Variants in SLCO1C1 observed in about 807,000 individuals in gnomAD.
SLCO1C1 encodes the protein solute carrier organic anion transporter family member 1C1.
In SLCO1C1, 70 loss-of-function variants were observed where a neutral mutation model predicts 76.4. That is an observed-to-expected ratio of 0.92 (90% CI 0.76 to 1.12). The LOEUF (loss-of-function observed/expected upper bound fraction) is 1.12. Among genes scored for constraint, SLCO1C1 ranks in the 50% most tolerant of loss-of-function variants. The pLI, the probability that SLCO1C1 is intolerant of heterozygous loss-of-function variation, is 0.00. For synonymous variants in SLCO1C1, 306 were observed against 286.1 expected (o/e 1.07, Z -0.70); for missense variants, 912 against 823.8 (o/e 1.11, Z -1.31).
At chr12:20,718,688 C>T (rs377122940) in intron 7 of SLCO1C1, among the ~76,000 whole-genome samples, 2 of 152,176 alleles carry the variant, frequency 1.3e-5, no homozygotes, top group East Asian at 1.9e-4. Context: ...GTAAATCAAA[C>T]GAAAGTGGTG....
intron 5 of SLCO1C1, among the ~76,000 whole-genome samples, chr12:20,714,745 G>T (rs1021727845): frequency 6.6e-6 from 1 of 152,062 alleles, no homozygotes; most frequent in African/African-American, 2.4e-5. Flanking sequence ...AGGTGAGAAA[G>T]ACTTGTTCAA....
rs550261930 is a variant in SLCO1C1, at chr12:20,705,813, G to GA, written c.272-129dup. On this transcript the variant is annotated intron_variant, in intron 3 of 14. Transcript: ENST00000266509. ...TTTCAAGGGTCATCTCAGATTAAAG[G>GA]AAAAAAATTAAATGATGCAGAGATG... 862 of 799,186 alleles carry GA rather than the reference G, an allele frequency of 1.1e-3. 4 individuals carry two copies. The highest frequency in any genetic ancestry group is 8.5e-3 in the Middle Eastern group (22 of 2,580). 49.5% of individuals were successfully genotyped at this position (799,186 alleles called of 1,614,324 possible).
chr12:20,703,411 G>T (rs1408185528), intron 3 of SLCO1C1, among the ~76,000 whole-genome samples: 2 of 82,288 alleles, frequency 2.4e-5, no homozygotes, highest in African/African-American at 1.1e-4. Flanking sequence ...GATTTTTGTT[G>T]TTGTTGTTGA....
intron 11 of SLCO1C1, among the ~76,000 whole-genome samples, chr12:20,737,479 A>G (rs1328469222): frequency 6.6e-6 from 1 of 152,156 alleles, no homozygotes; most frequent in Non-Finnish European, 1.5e-5. Flanking sequence ...TAGAGTCATC[A>G]AATAGGGTGG....
At position 20,709,737 on chromosome 12, in the gene SLCO1C1, C is replaced by T. The variant is rs1243637740; in HGVS notation, c.405-1649C>T. ...TCTACTAAAAATACAAAAAATTAGC[C>T]GGGCGCGGTGGCGGGCGCCTGTAGT... On this transcript the variant is annotated intron_variant, in intron 4 of 14. Coordinates refer to ENST00000266509, the MANE Select transcript of SLCO1C1 (RefSeq NM_017435.5). Among the ~76,000 whole-genome samples the T allele has an allele frequency of 1.4e-4, 8 of 56,254 alleles. 3 individuals carry two copies. Among genetic ancestry groups the T allele is most frequent in the South Asian group, 1.4e-3 (2 of 1,422 alleles). The allele number at this position is 56,254 out of a possible 152,430, so 36.9% of individuals were successfully genotyped here. A position where few individuals can be genotyped will look rare whatever the true frequency, so the allele number is the denominator to read the frequency against.
chr12:20,699,572 T>C lies in SLCO1C1; in HGVS notation c.-5T>C. 1 of 1,607,426 alleles carries C rather than the reference T, an allele frequency of 6.2e-7. No individual in the cohort carries two copies. The highest frequency in any genetic ancestry group is 8.5e-7 in the Non-Finnish European group (1 of 1,177,478). ...GACAGATCAGAGTCAAGGAATGTGTTTATAATGGACACTTCATCCAAAGAA... is the reference window on the plus strand; with the variant it reads ...GACAGATCAGAGTCAAGGAATGTGTCTATAATGGACACTTCATCCAAAGAA... On this transcript the variant is annotated 5_prime_UTR_variant, in exon 2 of 15. Transcript: ENST00000266509.
intron 11 of SLCO1C1, 133 bp downstream of exon 11, chr12:20,737,405 A>G (rs2120858289): frequency 1.1e-6 from 1 of 924,324 alleles, no homozygotes. Context: ...TTTTTTGTAG[A>G]AAAAGAAAAT....
At chr12:20,717,390 T>C (rs1482564903) in intron 7 of SLCO1C1, among the ~76,000 whole-genome samples, 160 bp downstream of exon 7, 1 of 151,924 alleles carries the variant, frequency 6.6e-6, no homozygotes, top group Non-Finnish European at 1.5e-5. Flanking sequence ...TACAGATTAA[T>C]AAATGGAATA....
At chr12:20,750,384 CT>C in intron 13 of SLCO1C1, among the ~76,000 whole-genome samples, 2 of 152,250 alleles carry the variant, frequency 1.3e-5, no homozygotes, top group African/African-American at 4.8e-5. Context: ...AATGACTGGG[CT>C]TCCACTGATA....
chr12:20,717,614 G>GGATT lies in SLCO1C1; in HGVS notation c.775+385_775+388dup, dbSNP rs565082321. On this transcript the variant is annotated intron_variant, in intron 7 of 14. Coordinates refer to ENST00000266509, the MANE Select transcript of SLCO1C1 (RefSeq NM_017435.5). ...TTTGGGGACTTGACAGAAAGACCAAGGATTTAAAGTCTACTGGCAACCAAA... is the reference window on the plus strand; with the variant it reads ...TTTGGGGACTTGACAGAAAGACCAAGGATTGATTTAAAGTCTACTGGCAACCAAA... Among the ~76,000 whole-genome samples, 504 of 126,622 alleles carry GGATT rather than the reference G, an allele frequency of 4.0e-3. 2 individuals carry two copies. The highest frequency in any genetic ancestry group is 5.7e-3 in the Non-Finnish European group (360 of 62,930). The allele number at this position is 126,622 out of a possible 152,430, so 83.1% of individuals were successfully genotyped here. A position where few individuals can be genotyped will look rare whatever the true frequency, so the allele number is the denominator to read the frequency against.
chr12:20,746,526 G>A (rs936649590), intron 13 of SLCO1C1, among the ~76,000 whole-genome samples: 1 of 152,034 alleles, frequency 6.6e-6, no homozygotes, highest in African/African-American at 2.4e-5. Flanking sequence ...AAAAGCTTTA[G>A]ATGAAAGTTG....
rs201422599 is a variant in SLCO1C1 at position 20,698,949 on chromosome 12, A to ACTGTT, written c.-25-600_-25-596dup. On this transcript the variant is annotated intron_variant, in intron 1 of 14. Transcript: ENST00000266509. Reference sequence around the variant, plus strand: ...TTTTTTACTTTAAGGCTGATCAAAGACTGTTCTTTCACCTGAATTAAATCT... The same window carrying ACTGTT: ...TTTTTTACTTTAAGGCTGATCAAAGACTGTTCTGTTCTTTCACCTGAATTAAATCT... Among the ~76,000 whole-genome samples, 1,521 of 152,142 alleles carry ACTGTT rather than the reference A, an allele frequency of 1.0e-2. 23 individuals are homozygous for ACTGTT. Among genetic ancestry groups the ACTGTT allele is most frequent in the African/African-American group, 0.035 (1,436 of 41,532 alleles).
chr12:20,698,782 A>G (rs1946383385), intron 1 of SLCO1C1, among the ~76,000 whole-genome samples: 1 of 152,102 alleles, frequency 6.6e-6, no homozygotes, highest in African/African-American at 2.4e-5. Flanking sequence ...ATTATCAGGC[A>G]GGCACTGAGC....
chr12:20,729,166 G>A (rs972463720), intron 9 of SLCO1C1, among the ~76,000 whole-genome samples: 10 of 152,150 alleles, frequency 6.6e-5, no homozygotes, highest in Admixed American at 1.3e-4. Context: ...CCTGGGGAGG[G>A]AAGAAACACA....
chr12:20,739,398 G>GA (rs1948698137), intron 11 of SLCO1C1, among the ~76,000 whole-genome samples: 1 of 140,618 alleles, frequency 7.1e-6, no homozygotes, highest in South Asian at 2.4e-4. Context: ...GTTTTTTTTT[G>GA]TTTTTTTTTT....
intron 13 of SLCO1C1, among the ~76,000 whole-genome samples, chr12:20,749,558 T>C (rs775219663): frequency 2.6e-5 from 4 of 152,192 alleles, no homozygotes; most frequent in Non-Finnish European, 4.4e-5. Flanking sequence ...AAATAACCAA[T>C]GTTAATGAAC....
intron 10 of SLCO1C1, among the ~76,000 whole-genome samples, chr12:20,735,457 A>G (rs988582747): frequency 6.6e-6 from 1 of 152,184 alleles, no homozygotes; most frequent in African/African-American, 2.4e-5. Context: ...CTCCAGCTCC[A>G]ACCTTCTATA....
At chr12:20,732,074 T>C (rs530460700) in intron 9 of SLCO1C1, among the ~76,000 whole-genome samples, 5 of 152,326 alleles carry the variant, frequency 3.3e-5, no homozygotes, top group South Asian at 2.1e-4. Flanking sequence ...AGCTCTTAAC[T>C]ACTAAATTGA....
At chr12:20,731,911 T>C (rs1482640497) in intron 9 of SLCO1C1, among the ~76,000 whole-genome samples, 1 of 152,200 alleles carries the variant, frequency 6.6e-6, no homozygotes, top group Non-Finnish European at 1.5e-5. Context: ...TCACAAATAA[T>C]GGAATTTAGT....
Sources: allele counts gnomAD v4.1 joint callset (sites outside exome capture counted in the v4.1 genomes callset), GRCh38; gene constraint gnomAD v4.1.1; transcripts MANE v1.5; gene names NCBI Gene and HGNC (gene_info 2026-07-23, HGNC 2026-07-21).